RAB38: variants seen among roughly 807,000 people sequenced by gnomAD.
The protein encoded by RAB38 is RAB38, member RAS oncogene family.
A neutral mutation model predicts 18.4 loss-of-function variants in RAB38; 15 were observed. The ratio of observed to expected loss-of-function variants is 0.82; its 90% CI spans 0.55 to 1.26. The LOEUF (loss-of-function observed/expected upper bound fraction) is 1.26. Among genes scored for constraint, RAB38 ranks in the 50% most tolerant of loss-of-function variants. RAB38 has a pLI of 0.00. For synonymous variants in RAB38, 101 were observed against 104.4 expected (o/e 0.97, Z 0.20); for missense variants, 294 against 267.4 (o/e 1.10, Z -0.69).
chr11:87,818,189 T>G, the RAB38 span, among the ~76,000 whole-genome samples: 1 of 152,182 alleles, frequency 6.6e-6, no homozygotes, highest in Non-Finnish European at 1.5e-5. Flanking sequence ...TCTAAAAAAT[T>G]CCTAGCTGGT....
intron 2 of RAB38, among the ~76,000 whole-genome samples, chr11:88,143,994 T>C (rs1055661553): frequency 3.9e-5 from 6 of 152,224 alleles, no homozygotes; most frequent in Admixed American, 6.5e-5. Context: ...TTGAGACTCA[T>C]ACACTTCACC....
rs894592607 is a variant in RAB38 at position 88,170,007 on chromosome 11, G to A, written c.202+5176C>T. Among the ~76,000 whole-genome samples, 10 of 152,028 alleles carry A rather than the reference G, an allele frequency of 6.6e-5. No individual in the cohort carries two copies. In the South Asian group the frequency reaches 1.5e-3, roughly 22 times the overall value. On this transcript the variant is annotated intron_variant, in intron 1 of 2. Transcript: ENST00000243662. ...GCTGAAGAAACCAATCACACATATA[G>A]AGCTACTTTTTCCAATCCCCTCCCA...
At chr11:87,936,185 C>T in the RAB38 span, among the ~76,000 whole-genome samples, 1 of 151,734 alleles carries the variant, frequency 6.6e-6, no homozygotes, top group Non-Finnish European at 1.5e-5. Context: ...ATGGATCGTG[C>T]TTTTGGTGTC....
At chr11:87,924,175 T>G in the RAB38 span, among the ~76,000 whole-genome samples, 1 of 151,994 alleles carries the variant, frequency 6.6e-6, no homozygotes, top group Admixed American at 6.6e-5. Context: ...AAGGAAAGTC[T>G]GGGAGGTTAA....
At chr11:88,062,218 G>C in the RAB38 span, 4 of 151,814 alleles carry the variant, frequency 2.6e-5, no homozygotes, top group Admixed American at 2.6e-4. Flanking sequence ...TCGATCACGG[G>C]GGTGGTTTCC....
chr11:87,955,174 C>T, the RAB38 span, among the ~76,000 whole-genome samples: 1 of 105,076 alleles, frequency 9.5e-6, no homozygotes, highest in Non-Finnish European at 2.1e-5. Flanking sequence ...CACACTCTTC[C>T]ACATTGGTGC....
At chr11:87,958,110 A>ACT in the RAB38 span, among the ~76,000 whole-genome samples, 304 of 152,150 alleles carry the variant, frequency 2.0e-3, 1 homozygote, top group Non-Finnish European at 3.4e-3. Context: ...AATATACTGT[A>ACT]CTCTACTCTT....
intron 2 of RAB38, among the ~76,000 whole-genome samples, chr11:88,130,982 T>C (rs572218238): frequency 1.6e-4 from 24 of 152,264 alleles, no homozygotes; most frequent in African/African-American, 5.8e-4. Flanking sequence ...GATAAGAACA[T>C]AAAAATGTCC....
the RAB38 span, among the ~76,000 whole-genome samples, chr11:87,905,132 T>C: frequency 6.6e-6 from 1 of 151,704 alleles, no homozygotes; most frequent in African/African-American, 2.4e-5. Context: ...TACTGATGCT[T>C]TTCTGTAGTT....
rs147102232 is a variant in RAB38, at chr11:88,146,487, G to C, written c.483+3188C>G. 4.1e-4 allele frequency among the ~76,000 whole-genome samples: 63 copies of C among 152,112 alleles called. 2 individuals carry two copies. In the East Asian group the frequency reaches 0.012, roughly 30 times the overall value. On this transcript the variant is annotated intron_variant, in intron 2 of 2. Transcript: ENST00000243662. Reference sequence around the variant, plus strand: ...AGGATACCTATGGGAAATGTTCTCTGATCTCAAAATGAAGGAAGGAATTCA... The same window carrying C: ...AGGATACCTATGGGAAATGTTCTCTCATCTCAAAATGAAGGAAGGAATTCA...
At chr11:87,868,958 A>G in the RAB38 span, among the ~76,000 whole-genome samples, 2 of 151,638 alleles carry the variant, frequency 1.3e-5, no homozygotes, top group African/African-American at 4.8e-5. Context: ...CAAAGGTGAA[A>G]CCAAGACTGG....
the RAB38 span, among the ~76,000 whole-genome samples, chr11:87,809,552 A>G: frequency 7.7e-4 from 117 of 152,330 alleles, no homozygotes; most frequent in African/African-American, 2.7e-3. Flanking sequence ...CTAAATCAAG[A>G]CATACATTCA....
the RAB38 span, among the ~76,000 whole-genome samples, chr11:87,940,765 TG>T: frequency 1.3e-5 from 2 of 152,038 alleles, no homozygotes; most frequent in Non-Finnish European, 2.9e-5. Flanking sequence ...TGCGAGTAGC[TG>T]GGATTACAGG....
chr11:88,108,933 ATTCTT>A (rs1177706031), downstream of RAB38, among the ~76,000 whole-genome samples: 1 of 152,168 alleles, frequency 6.6e-6, no homozygotes, highest in Non-Finnish European at 1.5e-5. Flanking sequence ...TGGTTTGAAA[ATTCTT>A]TTCTTTAAGA....
Position 88,113,277 on chromosome 11 carries a change from T to C in RAB38, c.*711A>G, listed in dbSNP as rs1202072385. ...AGGGAAACAGCATCTTTTAATGTTT[T>C]ATTGTTCACTTGCAAAAATATATAT... is the stretch of plus-strand genomic sequence containing the variant. On this transcript the variant is annotated 3_prime_UTR_variant, in exon 3 of 3. Coordinates refer to ENST00000243662, the MANE Select transcript of RAB38 (RefSeq NM_022337.3). The C allele has an allele frequency of 6.6e-6, 1 of 152,430 alleles. No homozygotes were observed. The highest frequency in any genetic ancestry group is 1.5e-5 in the Non-Finnish European group (1 of 68,000). The allele number at this position is 152,430 out of a possible 1,614,324, so 9.4% of individuals were successfully genotyped here.
At chr11:87,892,698 G>T in the RAB38 span, among the ~76,000 whole-genome samples, 1 of 151,750 alleles carries the variant, frequency 6.6e-6, no homozygotes, top group Non-Finnish European at 1.5e-5. Context: ...CTACTGGCAT[G>T]ATATATCCCC....
chr11:87,925,926 C>A, the RAB38 span, among the ~76,000 whole-genome samples: 1 of 151,842 alleles, frequency 6.6e-6, no homozygotes, highest in African/African-American at 2.4e-5. Context: ...TTGATACCTG[C>A]CACGCTACGA....
chr11:87,909,780 T>A, the RAB38 span, among the ~76,000 whole-genome samples: 1 of 152,124 alleles, frequency 6.6e-6, no homozygotes, highest in African/African-American at 2.4e-5. Flanking sequence ...TTACTTTTTG[T>A]TGCTAAGTAA....
chr11:87,944,468 T>C, the RAB38 span, among the ~76,000 whole-genome samples: 1 of 152,110 alleles, frequency 6.6e-6, no homozygotes, highest in African/African-American at 2.4e-5. Context: ...TGTTCCCCTG[T>C]AGTCTTCCAT....
Sources: allele counts gnomAD v4.1 joint callset (sites outside exome capture counted in the v4.1 genomes callset), GRCh38; gene constraint gnomAD v4.1.1; transcripts MANE v1.5; gene names NCBI Gene and HGNC (gene_info 2026-07-23, HGNC 2026-07-21).